Variants in FBLN1 observed in about 807,000 individuals in gnomAD.
FBLN1 encodes fibulin 1.
In FBLN1, 34 loss-of-function variants were observed where a neutral mutation model predicts 89.7. The observed-to-expected ratio is 0.38, with a 90% CI of 0.29 to 0.50. The LOEUF (loss-of-function observed/expected upper bound fraction) is 0.50. FBLN1 is among the 20% of genes least tolerant of loss of function. The pLI, the probability that FBLN1 is intolerant of heterozygous loss-of-function variation, is 0.92. For missense variants in FBLN1, 777 were observed against 988.1 expected (o/e 0.79, Z 2.86); for synonymous variants, 393 against 391.3 (o/e 1.00, Z -0.05).
chr22:45,508,322 T>C (rs73445404), intron 1 of FBLN1, among the ~76,000 whole-genome samples: 9,474 of 148,056 alleles, frequency 0.064, 354 homozygotes, highest in Non-Finnish European at 0.076. Context: ...CTGTCTGGGG[T>C]GTGATCTTGG....
chr22:45,564,901 G>T, intron 14 of FBLN1: 1 of 1,614,046 alleles, frequency 6.2e-7, no homozygotes, highest in Non-Finnish European at 8.5e-7. Flanking sequence ...TCCAAGAAGG[G>T]AAGGCAGAAC....
chr22:45,524,215 G>A (rs929399560), intron 2 of FBLN1, among the ~76,000 whole-genome samples: 5 of 152,228 alleles, frequency 3.3e-5, no homozygotes, highest in Admixed American at 6.5e-5. Flanking sequence ...GGCTGGCAGT[G>A]CAGGGAAGCT....
intron 16 of FBLN1, among the ~76,000 whole-genome samples, chr22:45,599,306 T>TG (rs2089211446): frequency 6.6e-6 from 1 of 152,194 alleles, no homozygotes; most frequent in Admixed American, 6.5e-5. Context: ...GGGACGCCAC[T>TG]GCTGCTCTGA....
chr22:45,543,293 G>T, intron 10 of FBLN1, 108 bp from the exon 11 acceptor site: 2 of 1,357,744 alleles, frequency 1.5e-6, no homozygotes, highest in Non-Finnish European at 2.1e-6. Context: ...AAGAAATGAG[G>T]CTGGAGGAGG....
rs759240273 is a variant in FBLN1 at position 45,574,539 on chromosome 22, C to T, written c.1726C>T (p.Arg576Cys). ...CCAGCAGGAGAAGACAGACACGGTC[C>T]GCTGCATCAAGTCCTGCCGCCCCAA... ...TLQQEKTDTV[R>C]CIKSCRPNDV... Residue 576 changes from arginine to cysteine, a missense_variant, in exon 15 of 17, where the codon CGC becomes TGC. Coordinates refer to ENST00000327858, the MANE Select transcript of FBLN1 (RefSeq NM_006486.3). The surrounding 1 kb of genome is among the most constrained non-coding windows in gnomAD (Gnocchi z 4.1). 4 of 1,614,160 alleles carry T rather than the reference C, an allele frequency of 2.5e-6. No individual in the cohort carries two copies. The highest frequency in any genetic ancestry group is 1.1e-5 in the South Asian group (1 of 91,084).
Position 45,563,477 on chromosome 22 carries a change from C to T in FBLN1, c.1698-11034C>T, listed in dbSNP as rs2088874396. The T allele has an allele frequency of 9.6e-7, 1 of 1,044,420 alleles. No homozygotes were observed. The allele number at this position is 1,044,420 out of a possible 1,614,324, so 64.7% of individuals were successfully genotyped here. ...ACCCCCGAGGGCTGACTGAGGAGCG[C>T]TCCCCACTAGAGGGTGTGTGCTCGG... On this transcript the variant is annotated intron_variant, in intron 14 of 16. Coordinates refer to ENST00000327858, the MANE Select transcript of FBLN1 (RefSeq NM_006486.3). The surrounding 1 kb of genome is among the most constrained non-coding windows in gnomAD (Gnocchi z 5.7).
intron 1 of FBLN1, among the ~76,000 whole-genome samples, chr22:45,513,144 T>C (rs140670369): frequency 4.1e-4 from 63 of 152,262 alleles, no homozygotes; most frequent in African/African-American, 8.7e-4. Context: ...GAAAACAACA[T>C]TGATTGAAGA....
At position 45,574,780 on chromosome 22, in the gene FBLN1, T is replaced by G; in HGVS notation, c.1840+127T>G. Reference sequence around the variant, plus strand: ...AGGCTTTGAAATGCAGAACTTTCTTTTTTTTTTTTTTTTTTTTTTGAGACG... The same window carrying G: ...AGGCTTTGAAATGCAGAACTTTCTTGTTTTTTTTTTTTTTTTTTTGAGACG... On this transcript the variant is annotated intron_variant, in intron 15 of 16. Transcript: ENST00000327858. This position sits in a 1 kb window ranked among gnomAD's most constrained non-coding sequence, Gnocchi z 4.1. The G allele has an allele frequency of 4.0e-6, 2 of 497,838 alleles. No individual in the cohort carries two copies. The highest frequency in any genetic ancestry group is 3.1e-6 in the Non-Finnish European group (1 of 320,330). 30.8% of individuals were successfully genotyped at this position (497,838 alleles called of 1,614,324 possible). A position where few individuals can be genotyped will look rare whatever the true frequency, so the allele number is the denominator to read the frequency against.
chr22:45,538,402 C>T (rs970111457), intron 8 of FBLN1, among the ~76,000 whole-genome samples: 7 of 152,226 alleles, frequency 4.6e-5, no homozygotes, highest in African/African-American at 1.4e-4. Context: ...CAATCCTGCC[C>T]GCCTCTTGGC....
chr22:45,504,984 A>G lies in FBLN1; in HGVS notation c.79+1920A>G, dbSNP rs1236839814. Among the ~76,000 whole-genome samples the G allele has an allele frequency of 2.0e-5, 3 of 152,206 alleles. No homozygotes were observed. In the South Asian group the frequency reaches 6.2e-4, roughly 31 times the overall value. On this transcript the variant is annotated intron_variant, in intron 1 of 16. Coordinates refer to ENST00000327858, the MANE Select transcript of FBLN1 (RefSeq NM_006486.3). ...AGCTGTGAGGCCCCCGAAGCCCTGT[A>G]TGTAAGGCCACAAGTGGCACCGCCC...
In FBLN1 at chr22:45,550,344, T is replaced by A; in HGVS notation, c.1574-148T>A. 9.8e-7 allele frequency: 1 copy of A among 1,022,508 alleles called. No individual in the cohort carries two copies. The highest frequency in any genetic ancestry group is 2.4e-5 in the East Asian group (1 of 40,880). The allele number at this position is 1,022,508 out of a possible 1,614,324, so 63.3% of individuals were successfully genotyped here. A position where few individuals can be genotyped will look rare whatever the true frequency, so the allele number is the denominator to read the frequency against. ...AAATGTAAGAACTGGCACAGGACGC[T>A]GCTCTGAAGATCAGCCAGTGGAGGG... On this transcript the variant is annotated intron_variant, in intron 13 of 16. Transcript: ENST00000327858. The surrounding 1 kb of genome is among the most constrained non-coding windows in gnomAD (Gnocchi z 8.4).
At position 45,525,582 on chromosome 22, in the gene FBLN1, G is replaced by A. The variant is rs1330131962; in HGVS notation, c.225G>A (p.Glu75=). 6.5e-7 allele frequency: 1 copy of A among 1,550,128 alleles called. No individual in the cohort carries two copies. Among genetic ancestry groups the A allele is most frequent in the Non-Finnish European group, 8.7e-7 (1 of 1,146,856 alleles). The change falls in exon 3 of 17, where the codon GAG becomes GAA. Residue 75 remains glutamate (E), a synonymous_variant. Transcript: ENST00000327858. The stretch of plus-strand genomic sequence containing the variant: ...AGTGCTGCCACAGCCAGCTGGAGGA[G>A]CTGCACTGTGCCACGGGCATCAGCC... The part of the protein sequence containing the change: ...QEQCCHSQLE[E]LHCATGISLA...
chr22:45,550,371 A>G lies in FBLN1; in HGVS notation c.1574-121A>G. ...CTCTGAAGATCAGCCAGTGGAGGGC[A>G]GGGATGGCCTGATCGCCACCCCTAA... On this transcript the variant is annotated intron_variant, in intron 13 of 16. Transcript: ENST00000327858. The surrounding 1 kb of genome is among the most constrained non-coding windows in gnomAD (Gnocchi z 8.4). 1 of 1,358,280 alleles carries G rather than the reference A, an allele frequency of 7.4e-7. No individual in the cohort carries two copies. The highest frequency in any genetic ancestry group is 1.0e-6 in the Non-Finnish European group (1 of 958,110). 84.1% of individuals were successfully genotyped at this position (1,358,280 alleles called of 1,614,324 possible). A position where few individuals can be genotyped will look rare whatever the true frequency, so the allele number is the denominator to read the frequency against.
In FBLN1 at chr22:45,537,860, G is replaced by A. The variant is rs112832309; in HGVS notation, c.922+2523G>A. 6.6e-6 allele frequency among the ~76,000 whole-genome samples: 1 copy of A among 152,308 alleles called. No individual in the cohort carries two copies. The highest frequency in any genetic ancestry group is 1.9e-4 in the East Asian group (1 of 5,178). On this transcript the variant is annotated intron_variant, in intron 8 of 16. Coordinates refer to ENST00000327858, the MANE Select transcript of FBLN1 (RefSeq NM_006486.3). The surrounding 1 kb of genome is among the most constrained non-coding windows in gnomAD (Gnocchi z 5.7). ...TGAGCAGGGAAGCCATGGGCTCTCCGGGACCAGCGGGGAGGATAGTCCTGC... is the reference window on the plus strand; with the variant it reads ...TGAGCAGGGAAGCCATGGGCTCTCCAGGACCAGCGGGGAGGATAGTCCTGC...
Position 45,557,779 on chromosome 22 carries a change from C to T in FBLN1, c.1697+7164C>T, listed in dbSNP as rs2088807266. Among the ~76,000 whole-genome samples, 1 of 152,218 alleles carries T rather than the reference C, an allele frequency of 6.6e-6. No homozygotes were observed. Among genetic ancestry groups the T allele is most frequent in the South Asian group, 2.1e-4 (1 of 4,834 alleles). ...CCTCTTCCCCAAATTTCATTGTCATCAATTTTCCAATCATGCTTCTTCCAA... is the reference window on the plus strand; with the variant it reads ...CCTCTTCCCCAAATTTCATTGTCATTAATTTTCCAATCATGCTTCTTCCAA... On this transcript the variant is annotated intron_variant, in intron 14 of 16. Coordinates refer to ENST00000327858, the MANE Select transcript of FBLN1 (RefSeq NM_006486.3). The surrounding 1 kb of genome is among the most constrained non-coding windows in gnomAD (Gnocchi z 4.9).
rs1413945899 is a variant in FBLN1, at chr22:45,579,482, G to A, written c.1972+2374G>A. Among the ~76,000 whole-genome samples, 1 of 152,254 alleles carries A rather than the reference G, an allele frequency of 6.6e-6. No homozygotes were observed. Among genetic ancestry groups the A allele is most frequent in the African/African-American group, 2.4e-5 (1 of 41,472 alleles). ...GGCTTCCCCCGGCACAGTTGGTCAC[G>A]GGTGCCCTGGTCTTTGGAATTCTGG... On this transcript the variant is annotated intron_variant, in intron 16 of 16. Coordinates refer to ENST00000327858, the MANE Select transcript of FBLN1 (RefSeq NM_006486.3). The surrounding 1 kb of genome is among the most constrained non-coding windows in gnomAD (Gnocchi z 5.5).
At chr22:45,526,600 G>A (rs2088331758) in intron 3 of FBLN1, among the ~76,000 whole-genome samples, 2 of 152,238 alleles carry the variant, frequency 1.3e-5, no homozygotes, top group Non-Finnish European at 2.9e-5. Context: ...GAATCTGAAT[G>A]AAGTCTGGAT....
At chr22:45,585,025 C>G (rs1454695384) in intron 16 of FBLN1, among the ~76,000 whole-genome samples, 1 of 152,206 alleles carries the variant, frequency 6.6e-6, no homozygotes, top group African/African-American at 2.4e-5. Context: ...AAGAAGCTCC[C>G]CACCAGCATC....
intron 14 of FBLN1, among the ~76,000 whole-genome samples, chr22:45,560,559 A>G (rs1248037726): frequency 2.0e-5 from 3 of 152,166 alleles, no homozygotes; most frequent in Non-Finnish European, 4.4e-5. Flanking sequence ...CAAATAAACT[A>G]TTAGAACCTT....
Sources: allele counts gnomAD v4.1 joint callset (sites outside exome capture counted in the v4.1 genomes callset), GRCh38; gene constraint gnomAD v4.1.1; non-coding constraint Gnocchi (gnomAD v3.1); transcripts MANE v1.5; gene names NCBI Gene and HGNC (gene_info 2026-07-23, HGNC 2026-07-21).